BCCIP: variants seen among roughly 807,000 people sequenced by gnomAD.
The protein encoded by BCCIP is BRCA2 and CDKN1A-interacting protein.
Under a neutral mutation model 32.8 loss-of-function variants are expected in BCCIP, and 23 were observed. The ratio of observed to expected loss-of-function variants is 0.70; its 90% CI spans 0.51 to 0.99. The LOEUF (loss-of-function observed/expected upper bound fraction) is 0.99. Among genes scored for constraint, BCCIP ranks in the 50% least tolerant of loss-of-function variants. The pLI, the probability that BCCIP is intolerant of heterozygous loss-of-function variation, is 0.00. For synonymous variants in BCCIP, 144 were observed against 137.6 expected, an observed-to-expected ratio of 1.05 and a Z score of -0.33; for missense variants, 378 against 379.8, an observed-to-expected ratio of 1.00 and a Z score of 0.04.
downstream of BCCIP, chr10:125,839,025 A>G: frequency 6.2e-7 from 1 of 1,614,038 alleles, no homozygotes; most frequent in Non-Finnish European, 8.5e-7. Flanking sequence ...CGGACAGAAG[A>G]GCTTTCTTTA....
At chr10:125,833,058 G>A (rs1344438211) in intron 5 of BCCIP, among the ~76,000 whole-genome samples, 2 of 151,470 alleles carry the variant, frequency 1.3e-5, no homozygotes, top group Admixed American at 1.3e-4. Flanking sequence ...GCAGGCAGAG[G>A]TTGCAGTGAG....
chr10:125,836,705 C>T (rs1310122958), downstream of BCCIP: 10 of 1,614,036 alleles, frequency 6.2e-6, no homozygotes, highest in South Asian at 1.1e-5. Context: ...GAGTGCATCT[C>T]TGTTCAGTTT....
chr10:125,831,327 G>C, intron 4 of BCCIP, 93 bp from the exon 5 acceptor site: 1 of 1,280,412 alleles, frequency 7.8e-7, no homozygotes, highest in Non-Finnish European at 1.1e-6. Flanking sequence ...ACTGCCCTTA[G>C]CTGTAAGATG....
At chr10:125,827,425 C>T in intron 2 of BCCIP, 133 bp from the exon 3 acceptor site, 2 of 543,446 alleles carry the variant, frequency 3.7e-6, no homozygotes, top group Non-Finnish European at 6.3e-6. Flanking sequence ...CTTTTCTTTC[C>T]CTCTTGGGGT....
chr10:125,838,486 G>A (rs1042447337), downstream of BCCIP: 62 of 1,165,166 alleles, frequency 5.3e-5, no homozygotes, highest in Non-Finnish European at 6.9e-5. Context: ...TTTTATACGG[G>A]ATAGTTAAAA....
downstream of BCCIP, chr10:125,840,716 C>T (rs1420101707): frequency 2.0e-6 from 2 of 1,019,160 alleles, no homozygotes; most frequent in Non-Finnish European, 2.8e-6. Context: ...GCGTTTAGGG[C>T]CTCAAGTGCC....
chr10:125,828,034 G>A (rs1196957364), intron 3 of BCCIP, among the ~76,000 whole-genome samples: 1 of 151,526 alleles, frequency 6.6e-6, no homozygotes, highest in African/African-American at 2.4e-5. Flanking sequence ...CAGTATTACT[G>A]GAGGAATGGA....
At chr10:125,829,151 A>G (rs914865238) in intron 3 of BCCIP, among the ~76,000 whole-genome samples, 1 of 152,216 alleles carries the variant, frequency 6.6e-6, no homozygotes, top group Non-Finnish European at 1.5e-5. Context: ...GGAGAGATCC[A>G]TTGGGGCCAT....
At chr10:125,845,172 C>T (rs763165533), downstream of BCCIP, among the ~76,000 whole-genome samples, 39 of 152,148 alleles carry the variant, frequency 2.6e-4, no homozygotes, top group Non-Finnish European at 2.1e-4. Flanking sequence ...CAGCCCCACG[C>T]GGCATGTTTC....
chr10:125,839,275 C>T (rs889480842), downstream of BCCIP: 2 of 1,353,046 alleles, frequency 1.5e-6, no homozygotes, highest in East Asian at 2.4e-5. Context: ...ATCTTTAAGC[C>T]CTGTGCTCTC....
At chr10:125,841,706 T>C in exon 7 of BCCIP, 1 of 1,592,612 alleles carries the variant, frequency 6.3e-7, no homozygotes, top group South Asian at 1.2e-5. Context: ...CTAGTGCAGA[T>C]TTGCAAAAAA....
rs143773597 is a variant in BCCIP at position 125,832,667 on chromosome 10, G to A, written c.599+1060G>A. Among the ~76,000 whole-genome samples, 252 of 152,160 alleles carry A rather than the reference G, an allele frequency of 1.7e-3. 8 individuals carry two copies. In the Middle Eastern group the frequency reaches 0.017, roughly 10 times the overall value. On this transcript the variant is annotated intron_variant, in intron 5 of 6. Transcript: ENST00000278100. Reference sequence around the variant, plus strand: ...AAGTGAGCCAAGCGCAGTGGTGCACGCCTGTAGTCGCAGCTACTCAGGAGG... The same window carrying A: ...AAGTGAGCCAAGCGCAGTGGTGCACACCTGTAGTCGCAGCTACTCAGGAGG...
chr10:125,852,620 GCT>G, intron 7 of BCCIP: 1 of 1,612,032 alleles, frequency 6.2e-7, no homozygotes, highest in Non-Finnish European at 8.5e-7. Context: ...GAGCGAGTTT[GCT>G]CTTATTCTCG....
At chr10:125,830,925 C>T (rs527832392) in intron 4 of BCCIP, among the ~76,000 whole-genome samples, 1 of 152,334 alleles carries the variant, frequency 6.6e-6, no homozygotes, top group Non-Finnish European at 1.5e-5. Context: ...TGCTGTCTCT[C>T]TGCAGCTGTT....
At chr10:125,833,695 G>A in intron 5 of BCCIP, 77 bp from the exon 6 acceptor site, 1 of 1,519,286 alleles carries the variant, frequency 6.6e-7, no homozygotes, top group African/African-American at 1.4e-5. Flanking sequence ...TGCCTCACCG[G>A]GTTTTCTGTG....
At chr10:125,834,996 G>A (rs1377071732) in intron 6 of BCCIP, among the ~76,000 whole-genome samples, 63 of 151,800 alleles carry the variant, frequency 4.2e-4, no homozygotes, top group African/African-American at 4.3e-4. Flanking sequence ...AGCCGGGCGT[G>A]GTGGCACGTG....
chr10:125,829,930 G>A (rs1406343088), intron 3 of BCCIP, among the ~76,000 whole-genome samples: 3 of 152,218 alleles, frequency 2.0e-5, no homozygotes, highest in Non-Finnish European at 4.4e-5. Flanking sequence ...TGAGGATAGA[G>A]ACTTCTTGTT....
chr10:125,831,367 G>T, intron 4 of BCCIP, 53 bp from the exon 5 acceptor site: 1 of 1,552,410 alleles, frequency 6.4e-7, no homozygotes, highest in Non-Finnish European at 8.8e-7. Flanking sequence ...CTCAGGTTTT[G>T]TCCTCTATGT....
chr10:125,826,673 C>T lies in BCCIP; in HGVS notation c.240+8C>T, dbSNP rs772467682. The T allele has an allele frequency of 1.9e-6, 3 of 1,612,604 alleles. No homozygotes were observed. The highest frequency in any genetic ancestry group is 1.1e-5 in the South Asian group (1 of 90,856). ...AAGAAATTACTGCAGCAGGTATTGTCTTTTATTTATTATGCATAAATTTCC... is the reference window on the plus strand; with the variant it reads ...AAGAAATTACTGCAGCAGGTATTGTTTTTTATTTATTATGCATAAATTTCC... On this transcript the variant is annotated splice_region_variant and intron_variant, in intron 2 of 6. Transcript: ENST00000278100.
Sources: allele counts gnomAD v4.1 joint callset (sites outside exome capture counted in the v4.1 genomes callset), GRCh38; gene constraint gnomAD v4.1.1; transcripts MANE v1.5; gene names NCBI Gene and HGNC (gene_info 2026-07-23, HGNC 2026-07-21).